Variants in RBFOX1 observed in about 807,000 individuals in gnomAD.
RBFOX1 encodes the protein RNA binding fox-1 homolog 1.
Under a neutral mutation model 57.7 loss-of-function variants are expected in RBFOX1, and 8 were observed. The observed-to-expected ratio is 0.14, with a 90% CI of 0.08 to 0.25. RBFOX1 has a LOEUF of 0.25. Ranked by LOEUF, RBFOX1 falls within the 10% of genes least tolerant of loss-of-function variation. The probability of loss-of-function intolerance (pLI) is 1.00; values close to 1 mark genes in which losing one functional copy is unlikely to be tolerated. For missense variants in RBFOX1, 611 were observed against 548.5 expected, an observed-to-expected ratio of 1.11 and a Z score of -1.14; for synonymous variants, 326 against 222.4, an observed-to-expected ratio of 1.47 and a Z score of -4.15.
chr16:5,522,656 A>G (rs1196221928), intron 2 of RBFOX1, among the ~76,000 whole-genome samples: 2 of 152,132 alleles, frequency 1.3e-5, no homozygotes, highest in Non-Finnish European at 2.9e-5. Flanking sequence ...GTTTGTACCC[A>G]TTAACCAGTC....
intron 2 of RBFOX1, among the ~76,000 whole-genome samples, chr16:6,582,633 TA>T (rs2097551903): frequency 6.6e-6 from 1 of 152,076 alleles, no homozygotes; most frequent in South Asian, 2.1e-4. Flanking sequence ...AGAGGTCAAA[TA>T]AAATAAGGAT....
chr16:6,082,410 A>T (rs202045296), intron 1 of RBFOX1, among the ~76,000 whole-genome samples: 1 of 117,462 alleles, frequency 8.5e-6, no homozygotes, highest in Non-Finnish European at 1.6e-5. Flanking sequence ...CACCAGGCTG[A>T]TCTTGAACTC....
At chr16:6,999,204 TTATTTTTATTTATTTTTTTTATTTA>T (rs1230966838) in intron 3 of RBFOX1, among the ~76,000 whole-genome samples, 7 of 71,954 alleles carry the variant, frequency 9.7e-5, no homozygotes, top group Admixed American at 2.5e-4. Flanking sequence ...ATTTTATTTT[TTATTTTTATTTATTTTTTTTATTTA>T]TTTTTTTTTT....
chr16:6,491,223 T>G (rs1261670098), intron 2 of RBFOX1, among the ~76,000 whole-genome samples: 2 of 151,684 alleles, frequency 1.3e-5, no homozygotes, highest in African/African-American at 4.9e-5. Context: ...ATAGTTAAAC[T>G]ATATATATAG....
At chr16:5,661,871 C>T in intron 3 of RBFOX1, among the ~76,000 whole-genome samples, 1 of 149,982 alleles carries the variant, frequency 6.7e-6, no homozygotes. Flanking sequence ...CTGCAACCTC[C>T]ACCTCCTGGG....
chr16:7,560,913 A>G (rs2090176570), intron 5 of RBFOX1, among the ~76,000 whole-genome samples: 1 of 152,204 alleles, frequency 6.6e-6, no homozygotes. Context: ...GAAATTTCAC[A>G]TATTCCCGTC....
chr16:5,371,970 T>C (rs2065868971), intron 1 of RBFOX1, among the ~76,000 whole-genome samples: 1 of 152,162 alleles, frequency 6.6e-6, no homozygotes, highest in Admixed American at 6.5e-5. Context: ...CGCGTTTTAA[T>C]GGATGAAGTG....
intron 4 of RBFOX1, among the ~76,000 whole-genome samples, chr16:7,058,005 G>GAAAAAAAAAAAAAAA (rs145498650): frequency 8.2e-6 from 1 of 121,618 alleles, no homozygotes. Flanking sequence ...GAGACTGTGG[G>GAAAAAAAAAAAAAAA]GAAAAAAAAA....
chr16:5,999,601 C>T (rs549642830), intron 4 of RBFOX1, among the ~76,000 whole-genome samples: 1 of 152,286 alleles, frequency 6.6e-6, no homozygotes, highest in East Asian at 1.9e-4. Flanking sequence ...GTGGCTCACG[C>T]CTGTAATCCC....
At chr16:7,642,629 A>C (rs1363245953) in intron 11 of RBFOX1, among the ~76,000 whole-genome samples, 1 of 152,208 alleles carries the variant, frequency 6.6e-6, no homozygotes, top group Non-Finnish European at 1.5e-5. Flanking sequence ...TGAATGATTT[A>C]ACAATTGAAA....
intron 3 of RBFOX1, among the ~76,000 whole-genome samples, chr16:5,845,057 G>C (rs2056718844): frequency 8.0e-6 from 1 of 125,218 alleles, no homozygotes; most frequent in Non-Finnish European, 1.6e-5. Flanking sequence ...AATTACCCGA[G>C]ATTCTTTTTT....
intron 4 of RBFOX1, among the ~76,000 whole-genome samples, chr16:7,412,587 C>G (rs2098440152): frequency 6.6e-6 from 1 of 152,112 alleles, no homozygotes; most frequent in African/African-American, 2.4e-5. Flanking sequence ...CAAATACTTT[C>G]TAGATTTCGT....
At chr16:5,666,460 C>G (rs1310138788) in intron 3 of RBFOX1, among the ~76,000 whole-genome samples, 1 of 152,170 alleles carries the variant, frequency 6.6e-6, no homozygotes, top group East Asian at 1.9e-4. Context: ...CCCTGGATCT[C>G]TCAGACATTA....
Position 7,595,617 on chromosome 16 carries a change from C to T in RBFOX1, c.537C>T (p.Thr179=), listed in dbSNP as rs756360831. 4 of 1,579,912 alleles carry T rather than the reference C, an allele frequency of 2.5e-6. No homozygotes were observed. The highest frequency in any genetic ancestry group is 2.4e-5 in the South Asian group (2 of 84,290). The change falls in exon 8 of 16, where the codon ACC becomes ACT. Residue 179 remains threonine, a synonymous_variant. Coordinates refer to ENST00000550418, the MANE Select transcript of RBFOX1 (RefSeq NM_018723.4). ...GGGCGAGGGAGAAATTACACGGCAC[C>T]GTGGTAGAGGGCCGTAAAATCGAGG... ...ADRAREKLHG[T]VVEGRKIEVN...
intron 4 of RBFOX1, among the ~76,000 whole-genome samples, chr16:7,090,869 A>T (rs1024849778): frequency 1.3e-5 from 2 of 151,434 alleles, no homozygotes; most frequent in African/African-American, 4.9e-5. Context: ...ATGAAGTAAA[A>T]CCCTCTTGAC....
intron 3 of RBFOX1, among the ~76,000 whole-genome samples, chr16:6,658,940 TTTTTG>T (rs757670925): frequency 6.9e-5 from 10 of 144,374 alleles, no homozygotes; most frequent in Admixed American, 4.1e-4. Context: ...TTTTTTGTTT[TTTTTG>T]TTTTTTTTTT....
chr16:6,173,939 C>G (rs2096982838), intron 1 of RBFOX1, among the ~76,000 whole-genome samples: 3 of 152,012 alleles, frequency 2.0e-5, no homozygotes, highest in African/African-American at 4.8e-5. Flanking sequence ...AGAGCTGTCC[C>G]TTTTGAAGTC....
At chr16:5,632,940 C>CGTTTT (rs2048562956) in intron 3 of RBFOX1, among the ~76,000 whole-genome samples, 2 of 125,616 alleles carry the variant, frequency 1.6e-5, no homozygotes, top group Non-Finnish European at 3.2e-5. Flanking sequence ...TTAACAACTC[C>CGTTTT]TTTTTTTTTT....
intron 1 of RBFOX1, among the ~76,000 whole-genome samples, chr16:6,300,008 T>C (rs1389953342): frequency 6.6e-6 from 1 of 152,200 alleles, no homozygotes; most frequent in Non-Finnish European, 1.5e-5. Flanking sequence ...ACCATTCAGC[T>C]TCAAAAGACA....
Sources: gnomAD v4.1 joint callset for allele counts (sites outside exome capture counted in the v4.1 genomes callset) on GRCh38, gnomAD v4.1.1 for gene constraint, MANE v1.5 for transcripts, NCBI Gene and HGNC (gene_info 2026-07-23, HGNC 2026-07-21) for gene names.